HMCN1: variants seen among roughly 807,000 people sequenced by gnomAD.
HMCN1 encodes hemicentin 1.
Under a neutral mutation model 625.9 loss-of-function variants are expected in HMCN1, and 321 were observed. The ratio of observed to expected loss-of-function variants is 0.51; its 90% CI spans 0.47 to 0.56. The LOEUF is 0.56. Among genes scored for constraint, HMCN1 ranks in the 20% least tolerant of loss-of-function variants. HMCN1 has a pLI of 0.00. For missense variants in HMCN1, 6,588 were observed against 6,887.3 expected (o/e 0.96, Z 1.54); for synonymous variants, 2,425 against 2,417.6 (o/e 1.00, Z -0.09).
At chr1:185,737,876 A>G (rs1400353451) in intron 1 of HMCN1, among the ~76,000 whole-genome samples, 1 of 152,142 alleles carries the variant, frequency 6.6e-6, no homozygotes, top group Non-Finnish European at 1.5e-5. Flanking sequence ...GTATTTGCAG[A>G]TGGAGTAAAT....
In HMCN1 at chr1:185,799,111, T is replaced by G. The variant is rs533460656; in HGVS notation, c.269-46915T>G. Among the ~76,000 whole-genome samples, 13 of 152,318 alleles carry G rather than the reference T, an allele frequency of 8.5e-5. No individual in the cohort carries two copies. The South Asian group carries it at 2.5e-3, about 29-fold the overall frequency. ...TTTGGCCTTGGTTCTAAGGGTGCTT[T>G]TGGTGGCAAAGTATCGTATAAGTTC... On this transcript the variant is annotated intron_variant, in intron 1 of 106. Transcript: ENST00000271588.
chr1:185,975,854 TG>T (rs1248752801), intron 15 of HMCN1, among the ~76,000 whole-genome samples: 1 of 151,940 alleles, frequency 6.6e-6, no homozygotes, highest in Non-Finnish European at 1.5e-5. Context: ...TTCAATGTAC[TG>T]GGTGAAGGTT....
At chr1:185,739,019 C>G (rs190587125) in intron 1 of HMCN1, among the ~76,000 whole-genome samples, 4 of 151,342 alleles carry the variant, frequency 2.6e-5, no homozygotes, top group African/African-American at 7.4e-5. Flanking sequence ...TCATCCTCCC[C>G]CTATCCTCTA....
chr1:185,821,454 A>AGGGT (rs1660181631), intron 1 of HMCN1, among the ~76,000 whole-genome samples: 1 of 152,174 alleles, frequency 6.6e-6, no homozygotes, highest in South Asian at 2.1e-4. Flanking sequence ...ACTAAGCTTA[A>AGGGT]GGGTAGCATA....
At chr1:186,061,784 C>G in intron 46 of HMCN1, 67 bp from the exon 47 acceptor site, 1 of 1,079,854 alleles carries the variant, frequency 9.3e-7, no homozygotes, top group East Asian at 2.4e-5. Flanking sequence ...TTGAGCATCA[C>G]TTGGATGGCT....
Position 185,909,635 on chromosome 1 carries a change from A to G in HMCN1, c.793+127A>G, listed in dbSNP as rs1035364647. The G allele has an allele frequency of 3.6e-6, 3 of 830,526 alleles. No individual in the cohort carries two copies. In the African/African-American group the frequency reaches 5.2e-5, roughly 14 times the overall value. The allele number at this position is 830,526 out of a possible 1,614,324, so 51.4% of individuals were successfully genotyped here. ...AAATTCAATAAATTCAGAAGTGGCTAAGGAAGGTGTTTAAAAAATGTAACA... is the reference window on the plus strand; with the variant it reads ...AAATTCAATAAATTCAGAAGTGGCTGAGGAAGGTGTTTAAAAAATGTAACA... On this transcript the variant is annotated intron_variant, in intron 5 of 106. Transcript: ENST00000271588.
intron 9 of HMCN1, among the ~76,000 whole-genome samples, chr1:185,926,846 G>A (rs1003605100): frequency 2.0e-5 from 3 of 152,162 alleles, no homozygotes; most frequent in Non-Finnish European, 4.4e-5. Context: ...TAGCAGCAGG[G>A]TGCATTTTTA....
intron 2 of HMCN1, among the ~76,000 whole-genome samples, chr1:185,855,696 G>A (rs989643816): frequency 1.5e-4 from 23 of 152,072 alleles, no homozygotes; most frequent in African/African-American, 5.3e-4. Context: ...CTTGAAAGAA[G>A]GTCCAACGAG....
chr1:185,939,618 A>G (rs575286436), intron 11 of HMCN1, among the ~76,000 whole-genome samples: 1 of 152,242 alleles, frequency 6.6e-6, no homozygotes, highest in East Asian at 1.9e-4. Flanking sequence ...AATTACTTAA[A>G]TGGATTATTT....
rs750048749 is a variant in HMCN1, at chr1:186,123,028, G to C, written c.12307G>C (p.Asp4103His). The change falls in exon 81 of 107, where the codon GAT (aspartate) becomes CAT (histidine). Residue 4103 changes from aspartate to histidine, a missense_variant. Coordinates refer to ENST00000271588, the MANE Select transcript of HMCN1 (RefSeq NM_031935.3). ...DKPITLSCEA[D>H]GLPPPDITWH... ...GCCCATCACGTTATCCTGTGAAGCA[G>C]ATGGCCTCCCTCCGCCTGACATTAC... 6.2e-7 allele frequency: 1 copy of C among 1,614,118 alleles called. No individual in the cohort carries two copies.
At chr1:186,189,216 T>C (rs1224646519) in intron 106 of HMCN1, among the ~76,000 whole-genome samples, 1 of 152,212 alleles carries the variant, frequency 6.6e-6, no homozygotes, top group Admixed American at 6.5e-5. Flanking sequence ...CAAAACTGAC[T>C]TTTCATTTTA....
Position 186,009,677 on chromosome 1 carries a change from CTG to C in HMCN1, c.4630+2396_4630+2397del, listed in dbSNP as rs886532986. Among the ~76,000 whole-genome samples the C allele has an allele frequency of 6.5e-4, 98 of 151,674 alleles. 2 individuals are homozygous for C. The highest frequency in any genetic ancestry group is 4.6e-4 in the Non-Finnish European group (31 of 67,926). ...CATTGTGCCTGAATAAGGAAAGAAACTGAGACAAAATACAAGAGAAAAATAAA... is the reference window on the plus strand; with the variant it reads ...CATTGTGCCTGAATAAGGAAAGAAACAGACAAAATACAAGAGAAAAATAAA... On this transcript the variant is annotated intron_variant, in intron 30 of 106. Transcript: ENST00000271588.
intron 64 of HMCN1, among the ~76,000 whole-genome samples, chr1:186,091,321 G>A (rs1363804107): frequency 6.6e-6 from 1 of 151,976 alleles, no homozygotes; most frequent in Non-Finnish European, 1.5e-5. Flanking sequence ...AATAATTCTA[G>A]ATATGATTTT....
chr1:186,087,389 C>G lies in HMCN1; in HGVS notation c.9161-54C>G, dbSNP rs1207737829. 2.4e-5 allele frequency: 39 copies of G among 1,599,866 alleles called. No individual in the cohort carries two copies. The East Asian group carries it at 8.5e-4, about 35-fold the overall frequency. ...TTTTAAAACTGGTATTCAATATTTTCTATCTGAGCACCTTAATGAAAAAGA... is the reference window on the plus strand; with the variant it reads ...TTTTAAAACTGGTATTCAATATTTTGTATCTGAGCACCTTAATGAAAAAGA... On this transcript the variant is annotated intron_variant, in intron 59 of 106. Transcript: ENST00000271588.
chr1:185,779,797 T>C (rs189897745), intron 1 of HMCN1, among the ~76,000 whole-genome samples: 3 of 152,338 alleles, frequency 2.0e-5, no homozygotes, highest in African/African-American at 7.2e-5. Flanking sequence ...TCCAGCTTTG[T>C]TCTTTTGGTT....
chr1:186,103,428 A>G (rs1431363075), intron 68 of HMCN1, 44 bp from the exon 69 acceptor site: 1 of 1,519,874 alleles, frequency 6.6e-7, no homozygotes, highest in Non-Finnish European at 9.1e-7. Context: ...GCAATATTTT[A>G]TGAAACTGTG....
intron 98 of HMCN1, 51 bp downstream of exon 98, chr1:186,165,224 T>G (rs1288542881): frequency 6.7e-7 from 1 of 1,482,598 alleles, no homozygotes; most frequent in African/African-American, 1.4e-5. Context: ...ATGTCAATAT[T>G]GGATAGCATT....
rs372370895 is a variant in HMCN1, at chr1:186,090,900, T to C, written c.9870T>C (p.Gly3290=). 3.1e-6 allele frequency: 5 copies of C among 1,612,092 alleles called. No individual in the cohort carries two copies. The highest frequency in any genetic ancestry group is 1.3e-5 in the African/African-American group (1 of 74,826). Reference sequence around the variant, plus strand: ...AAGATGGAAAGCCCATAGCTAGTGGTGAAACAGAAAGAATCCGGTATGTTT... The same window carrying C: ...AAGATGGAAAGCCCATAGCTAGTGGCGAAACAGAAAGAATCCGGTATGTTT... The part of the protein sequence containing the change: ...WLKDGKPIAS[G]ETERIRVSAN... Residue 3290 remains glycine (G), a synonymous_variant, in exon 64 of 107, where the codon GGT becomes GGC. Transcript: ENST00000271588.
At chr1:185,800,854 T>C (rs1419264603) in intron 1 of HMCN1, among the ~76,000 whole-genome samples, 3 of 152,174 alleles carry the variant, frequency 2.0e-5, no homozygotes, top group Non-Finnish European at 4.4e-5. Context: ...TTGTGGAAAA[T>C]AAAAGTATTT....
Sources: allele counts gnomAD v4.1 joint callset (sites outside exome capture counted in the v4.1 genomes callset), GRCh38; gene constraint gnomAD v4.1.1; transcripts MANE v1.5; gene names NCBI Gene and HGNC (gene_info 2026-07-23, HGNC 2026-07-21).